The following CEP350 variants were observed in gnomAD, a reference collection of about 807,000 sequenced individuals.
CEP350 encodes centrosomal protein 350.
In CEP350, 126 loss-of-function variants were observed where a neutral mutation model predicts 331.8. That is an observed-to-expected ratio of 0.38 (90% CI 0.33 to 0.44). The LOEUF is 0.44. Among genes scored for constraint, CEP350 ranks in the 20% least tolerant of loss-of-function variants. The pLI is 1.00. For synonymous variants in CEP350, 1,200 were observed against 1,259.5 expected, an observed-to-expected ratio of 0.95 and a Z score of 1.00; for missense variants, 3,406 against 3,634.6, an observed-to-expected ratio of 0.94 and a Z score of 1.62.
At chr1:179,985,962 T>C (rs1157221546) in intron 1 of CEP350, among the ~76,000 whole-genome samples, 2 of 152,224 alleles carry the variant, frequency 1.3e-5, no homozygotes, top group East Asian at 3.8e-4. Flanking sequence ...AGTGATTGTG[T>C]CATACATTCC....
intron 27 of CEP350, chr1:180,073,713 C>T: frequency 1.7e-6 from 2 of 1,204,450 alleles, no homozygotes; most frequent in Non-Finnish European, 2.2e-6. Flanking sequence ...TCACTCAGCT[C>T]TTACGCTTTC....
At chr1:180,103,592 C>T (rs2149177728) in intron 37 of CEP350, among the ~76,000 whole-genome samples, 1 of 151,972 alleles carries the variant, frequency 6.6e-6, no homozygotes, top group African/African-American at 2.4e-5. Context: ...TGCGTGTATT[C>T]TGTAATTTTT....
At chr1:180,092,438 T>G (rs935104416) in intron 33 of CEP350, among the ~76,000 whole-genome samples, 176 bp from the exon 34 acceptor site, 10 of 152,352 alleles carry the variant, frequency 6.6e-5, no homozygotes, top group African/African-American at 2.4e-4. Context: ...ATTTTAAATG[T>G]TGATACAGAT....
At chr1:179,990,418 CA>C in intron 3 of CEP350, 88 bp from the exon 4 acceptor site, 1 of 574,138 alleles carries the variant, frequency 1.7e-6, no homozygotes, top group Non-Finnish European at 3.0e-6. Context: ...AGGTATTGGG[CA>C]ATATACTTTT....
At position 180,094,144 on chromosome 1, in the gene CEP350, C is replaced by T. The variant is rs747561606; in HGVS notation, c.8039C>T (p.Ala2680Val). Residue 2680 changes from alanine (A) to valine (V), a missense_variant, in exon 34 of 38, where the codon GCT becomes GTT. Ala to Val is a moderately conservative substitution (Grantham distance 64, BLOSUM62 0). Coordinates refer to ENST00000367607, the MANE Select transcript of CEP350 (RefSeq NM_014810.5). ...ISDATEKVSI[A>V]AEDDTLDNTF... ...GATGCCACAGAAAAGGTTTCCATCG[C>T]TGCAGAAGATGACACTTTAGACAAT... 3.1e-6 allele frequency: 5 copies of T among 1,613,706 alleles called. No homozygotes were observed. The highest frequency in any genetic ancestry group is 3.4e-6 in the Non-Finnish European group (4 of 1,179,756).
chr1:179,991,527 A>T (rs1344794624), intron 4 of CEP350, among the ~76,000 whole-genome samples: 2 of 151,220 alleles, frequency 1.3e-5, no homozygotes, highest in South Asian at 4.2e-4. Context: ...TGACCTCGTG[A>T]TCCGCCTGCC....
At chr1:180,012,218 A>G (rs1447313536) in intron 9 of CEP350, 143 bp downstream of exon 9, 5 of 706,510 alleles carry the variant, frequency 7.1e-6, no homozygotes, top group East Asian at 2.9e-5. Flanking sequence ...AAAATGTTCT[A>G]TTGGGCTTGG....
chr1:180,041,377 A>G (rs1022170586), intron 18 of CEP350, 129 bp downstream of exon 18: 3 of 707,016 alleles, frequency 4.2e-6, no homozygotes, highest in South Asian at 2.3e-5. Flanking sequence ...AGTACTTTTT[A>G]TGGGATAATG....
chr1:180,062,713 A>G (rs1658301109), intron 26 of CEP350, among the ~76,000 whole-genome samples: 1 of 152,166 alleles, frequency 6.6e-6, no homozygotes, highest in African/African-American at 2.4e-5. Flanking sequence ...TGAGTGTGCT[A>G]GCTCAATCCC....
At chr1:180,053,208 T>G (rs9425854) in intron 23 of CEP350, 42 bp downstream of exon 23, 672,676 of 1,063,572 alleles carry the variant, frequency 0.63, 218,114 homozygotes, top group Admixed American at 0.74. Context: ...GTTGTGGATA[T>G]GTTCTCTCAA....
At chr1:179,970,499 A>G (rs1286226892) in intron 1 of CEP350, among the ~76,000 whole-genome samples, 1 of 151,826 alleles carries the variant, frequency 6.6e-6, no homozygotes, top group Non-Finnish European at 1.5e-5. Flanking sequence ...TTGAGGATAG[A>G]TAGTAGGAAT....
intron 29 of CEP350, among the ~76,000 whole-genome samples, chr1:180,080,029 T>C (rs1169008219): frequency 1.3e-5 from 2 of 152,174 alleles, no homozygotes; most frequent in African/African-American, 4.8e-5. Context: ...GGATAGGAAG[T>C]GATAGTAGCT....
In CEP350 at chr1:180,020,371, C is replaced by T. The variant is rs949014688; in HGVS notation, c.2597C>T (p.Ala866Val). Residue 866 changes from alanine (A) to valine (V), a missense_variant, in exon 12 of 38, where the codon GCA becomes GTA. Transcript: ENST00000367607. ...AWNTEYDVQQ[A>V]PQEDGPWTKA... Reference sequence around the variant, plus strand: ...AACACTGAGTATGATGTGCAGCAGGCACCTCAAGAAGATGGACCTTGGACC... The same window carrying T: ...AACACTGAGTATGATGTGCAGCAGGTACCTCAAGAAGATGGACCTTGGACC... 2 of 1,613,624 alleles carry T rather than the reference C, an allele frequency of 1.2e-6. No individual in the cohort carries two copies. The highest frequency in any genetic ancestry group is 1.3e-5 in the African/African-American group (1 of 74,928).
intron 37 of CEP350, among the ~76,000 whole-genome samples, chr1:180,099,982 C>T (rs1234438621): frequency 2.0e-5 from 3 of 151,998 alleles, no homozygotes; most frequent in African/African-American, 7.2e-5. Flanking sequence ...GATGGGATTT[C>T]GCCATGTTGG....
At chr1:180,057,887 G>C (rs748785672) in intron 25 of CEP350, among the ~76,000 whole-genome samples, 4 of 152,168 alleles carry the variant, frequency 2.6e-5, no homozygotes, top group African/African-American at 7.2e-5. Context: ...CCCTGCTTTT[G>C]AGACTTTTCT....
At position 180,043,201 on chromosome 1, in the gene CEP350, T is replaced by A. The variant is rs1474737027; in HGVS notation, c.4499+9T>A. 1.9e-6 allele frequency: 3 copies of A among 1,601,430 alleles called. No individual in the cohort carries two copies. In the African/African-American group the frequency reaches 4.0e-5, roughly 22 times the overall value. On this transcript the variant is annotated intron_variant, in intron 20 of 37. Coordinates refer to ENST00000367607, the MANE Select transcript of CEP350 (RefSeq NM_014810.5). The stretch of plus-strand genomic sequence containing the variant: ...AGAACTGAAACAGATAGGTTAATAT[T>A]CATTCAGTCAGCAAATATATAATGA...
chr1:179,957,135 T>C (rs1417693198), intron 1 of CEP350, among the ~76,000 whole-genome samples: 1 of 152,176 alleles, frequency 6.6e-6, no homozygotes, highest in African/African-American at 2.4e-5. Context: ...TCATTTATTA[T>C]CTTTCACTTT....
intron 25 of CEP350, among the ~76,000 whole-genome samples, chr1:180,060,737 G>A (rs1160066515): frequency 6.6e-6 from 1 of 151,936 alleles, no homozygotes; most frequent in Non-Finnish European, 1.5e-5. Flanking sequence ...AGCATTAAAA[G>A]GCGTAAATTA....
In CEP350 at chr1:180,095,042, G is replaced by T. The variant is rs531435139; in HGVS notation, c.8511+426G>T. ...TTGTTTACATATCTACTCAGTCATG[G>T]TTGGCCTGCAGAGGTTAGCAGTTGT... is the stretch of plus-strand genomic sequence containing the variant. On this transcript the variant is annotated intron_variant, in intron 34 of 37. Transcript: ENST00000367607. 7 of 179,216 alleles carry T rather than the reference G, an allele frequency of 3.9e-5. No individual in the cohort carries two copies. The South Asian group carries it at 8.0e-4, about 21-fold the overall frequency. The allele number at this position is 179,216 out of a possible 1,614,324, so 11.1% of individuals were successfully genotyped here.
Sources: gnomAD v4.1 joint callset for allele counts (sites outside exome capture counted in the v4.1 genomes callset) on GRCh38, gnomAD v4.1.1 for gene constraint, MANE v1.5 for transcripts, NCBI Gene and HGNC (gene_info 2026-07-23, HGNC 2026-07-21) for gene names.